WDPCP: variants seen among roughly 807,000 people sequenced by gnomAD.
WDPCP encodes WD repeat-containing and planar cell polarity effector protein fritz homolog.
Under a neutral mutation model 93.1 loss-of-function variants are expected in WDPCP, and 71 were observed. That is an observed-to-expected ratio of 0.76 (90% CI 0.63 to 0.93). The LOEUF is 0.93. Among genes scored for constraint, WDPCP ranks in the 40% least tolerant of loss-of-function variants. WDPCP has a pLI of 0.00. For synonymous variants in WDPCP, 315 were observed against 315.0 expected (o/e 1.00, Z 0.00); for missense variants, 844 against 887.4 (o/e 0.95, Z 0.62).
chr2:63,477,634 G>A (rs931533381), intron 6 of WDPCP, among the ~76,000 whole-genome samples: 7 of 152,048 alleles, frequency 4.6e-5, no homozygotes, highest in African/African-American at 1.7e-4. Flanking sequence ...TAACAGAAAA[G>A]CCAAAAGAAT....
chr2:63,798,584 T>C (rs1670647180), intron 2 of WDPCP, among the ~76,000 whole-genome samples: 1 of 149,818 alleles, frequency 6.7e-6, no homozygotes. Flanking sequence ...ACACAAAAAA[T>C]AAAAAACAAG....
chr2:63,497,280 C>T (rs974005226), intron 1 of WDPCP, among the ~76,000 whole-genome samples: 1 of 152,054 alleles, frequency 6.6e-6, no homozygotes, highest in Non-Finnish European at 1.5e-5. Context: ...GAAGAAACAG[C>T]AGCAATAATT....
In WDPCP at chr2:63,524,682, C is replaced by T. The variant is rs146478332; in HGVS notation, c.76-31742G>A. Among the ~76,000 whole-genome samples the T allele has an allele frequency of 1.4e-3, 209 of 152,280 alleles. 2 individuals are homozygous for T. The highest frequency in any genetic ancestry group is 3.4e-3 in the Middle Eastern group (1 of 294). On this transcript the variant is annotated intron_variant, in intron 1 of 17. Transcript: ENST00000272321. ...ACAACCTAGGAAATACCATTCTAGACATAGGACTTCGCAAAGATTTCATGA... is the reference window on the plus strand; with the variant it reads ...ACAACCTAGGAAATACCATTCTAGATATAGGACTTCGCAAAGATTTCATGA...
intron 2 of WDPCP, among the ~76,000 whole-genome samples, chr2:63,733,354 C>T (rs941530985): frequency 1.3e-5 from 2 of 149,458 alleles, no homozygotes; most frequent in African/African-American, 2.5e-5. Context: ...TGCCCGCCAC[C>T]GCGCCCGGCT....
chr2:63,599,147 T>G, intron 3 of WDPCP: 1 of 1,611,684 alleles, frequency 6.2e-7, no homozygotes, highest in Non-Finnish European at 8.5e-7. Flanking sequence ...CTGTAACTCT[T>G]CAGTGCCTTC....
Position 63,700,879 on chromosome 2 carries a change from T to C in WDPCP, n.309-50041A>G, listed in dbSNP as rs1388384165. 2.0e-5 allele frequency among the ~76,000 whole-genome samples: 3 copies of C among 152,200 alleles called. No individual in the cohort carries two copies. The East Asian group carries it at 5.8e-4, about 29-fold the overall frequency. On this transcript the variant is annotated intron_variant and non_coding_transcript_variant, in intron 2 of 4. Transcript: ENST00000467687. ...TATGCAAAAATCAAATAAAATGGAT[T>C]GATGACTTAAATTTAAGACTTGAAA... is the stretch of plus-strand genomic sequence containing the variant.
intron 1 of WDPCP, among the ~76,000 whole-genome samples, chr2:63,544,996 T>C (rs1048334366): frequency 6.6e-6 from 1 of 152,120 alleles, no homozygotes; most frequent in East Asian, 1.9e-4. Flanking sequence ...CTTTACATAG[T>C]TAAAACTAAG....
intron 1 of WDPCP, among the ~76,000 whole-genome samples, chr2:63,563,806 A>G (rs920918182): frequency 1.3e-5 from 2 of 152,152 alleles, no homozygotes; most frequent in African/African-American, 4.8e-5. Flanking sequence ...GAAGGACTTC[A>G]TCCTTCATGC....
At chr2:63,413,947 ATC>A (rs1695213994) in intron 9 of WDPCP, among the ~76,000 whole-genome samples, 1 of 152,084 alleles carries the variant, frequency 6.6e-6, no homozygotes, top group African/African-American at 2.4e-5. Context: ...AAGGATTAAT[ATC>A]TAGAATCTAC....
chr2:63,822,041 G>T (rs1022742553), intron 1 of WDPCP, among the ~76,000 whole-genome samples: 3 of 151,938 alleles, frequency 2.0e-5, no homozygotes, highest in Non-Finnish European at 4.4e-5. Flanking sequence ...AAAGAGATGG[G>T]GTTTGTGAAT....
intron 17 of WDPCP, among the ~76,000 whole-genome samples, chr2:63,134,520 T>C (rs1012704870): frequency 6.6e-6 from 1 of 152,214 alleles, no homozygotes; most frequent in African/African-American, 2.4e-5. Context: ...ATTGTTTTCA[T>C]AGAATGCTGT....
At chr2:63,722,490 C>T (rs1193257313) in intron 2 of WDPCP, among the ~76,000 whole-genome samples, 3 of 143,644 alleles carry the variant, frequency 2.1e-5, no homozygotes, top group Non-Finnish European at 4.6e-5. Context: ...CCCCTCCGCC[C>T]GGCAGCCGCC....
chr2:63,641,639 T>C (rs1285223772), intron 3 of WDPCP, among the ~76,000 whole-genome samples: 1 of 152,104 alleles, frequency 6.6e-6, no homozygotes, highest in African/African-American at 2.4e-5. Context: ...TGGATTGGAT[T>C]ACTAGATTTT....
At chr2:63,317,759 T>C (rs937489749) in intron 12 of WDPCP, among the ~76,000 whole-genome samples, 1 of 152,028 alleles carries the variant, frequency 6.6e-6, no homozygotes, top group South Asian at 2.1e-4. Context: ...TATACAAAAA[T>C]CGATTCAAGA....
At chr2:63,420,497 G>A (rs1399296241) in intron 9 of WDPCP, among the ~76,000 whole-genome samples, 2 of 149,546 alleles carry the variant, frequency 1.3e-5, no homozygotes, top group African/African-American at 4.9e-5. Flanking sequence ...CGGCACCATT[G>A]CACTCCAGCC....
intron 2 of WDPCP, among the ~76,000 whole-genome samples, chr2:63,786,619 T>C (rs905209456): frequency 6.6e-6 from 1 of 152,192 alleles, no homozygotes; most frequent in Non-Finnish European, 1.5e-5. Context: ...GTTTTCAATA[T>C]GGTGAGAAGC....
intron 3 of WDPCP, among the ~76,000 whole-genome samples, chr2:63,626,825 T>C (rs546756998): frequency 3.0e-4 from 45 of 152,076 alleles, no homozygotes; most frequent in Admixed American, 2.6e-3. Flanking sequence ...GGGTCTGCCA[T>C]GGGGTGCAAG....
intron 9 of WDPCP, among the ~76,000 whole-genome samples, chr2:63,414,472 TACACACACAC>T (rs146569752): frequency 6.7e-6 from 1 of 148,794 alleles, no homozygotes; most frequent in Non-Finnish European, 1.5e-5. Flanking sequence ...CACACACATA[TACACACACAC>T]ACACACACAC....
intron 17 of WDPCP, among the ~76,000 whole-genome samples, chr2:63,129,983 A>G (rs1446167786): frequency 6.6e-6 from 1 of 152,170 alleles, no homozygotes; most frequent in Non-Finnish European, 1.5e-5. Flanking sequence ...AATGTTTTCA[A>G]TCTCTTGTTG....
Sources: allele counts gnomAD v4.1 joint callset (sites outside exome capture counted in the v4.1 genomes callset), GRCh38; gene constraint gnomAD v4.1.1; transcripts MANE v1.5; gene names NCBI Gene and HGNC (gene_info 2026-07-23, HGNC 2026-07-21).